QTRT2: variants seen among roughly 807,000 people sequenced by gnomAD.
QTRT2 encodes queuine tRNA-ribosyltransferase accessory subunit 2, also known as queuine tRNA-ribosyltransferase domain containing 1.
In QTRT2, 32 loss-of-function variants were observed where a neutral mutation model predicts 44.8. That is an observed-to-expected ratio of 0.71 (90% CI 0.54 to 0.96). QTRT2 has a LOEUF of 0.96. QTRT2 is among the 40% of genes least tolerant of loss of function. The pLI is 0.00. For missense variants in QTRT2, 461 were observed against 503.1 expected, an observed-to-expected ratio of 0.92 and a Z score of 0.80; for synonymous variants, 182 against 187.4, an observed-to-expected ratio of 0.97 and a Z score of 0.24.
chr3:114,070,869 C>T lies in QTRT2; in HGVS notation c.546+31C>T, dbSNP rs759280263. 37 of 1,561,116 alleles carry T rather than the reference C, an allele frequency of 2.4e-5. No individual in the cohort carries two copies. The South Asian group carries it at 4.1e-4, about 17-fold the overall frequency. ...GCTGTGCCACTAACCACTCCTTTCT[C>T]TTGACACTCTTGCCTCCCTTACATT... On this transcript the variant is annotated intron_variant, in intron 6 of 9. Coordinates refer to ENST00000281273, the MANE Select transcript of QTRT2 (RefSeq NM_024638.4).
intron 2 of QTRT2, among the ~76,000 whole-genome samples, chr3:114,062,954 T>C (rs758487289): frequency 3.9e-5 from 6 of 152,250 alleles, no homozygotes; most frequent in Admixed American, 2.6e-4. Flanking sequence ...TGGAGTAAGA[T>C]AGAATTTTTG....
chr3:114,081,600 GC>G (rs2077166518), intron 8 of QTRT2, among the ~76,000 whole-genome samples: 1 of 152,118 alleles, frequency 6.6e-6, no homozygotes, highest in Admixed American at 6.6e-5. Context: ...ACCATGCTGG[GC>G]TAATTTTTAA....
chr3:114,060,508 A>G (rs60245254), intron 2 of QTRT2, among the ~76,000 whole-genome samples: 3,900 of 79,576 alleles, frequency 0.049, 120 homozygotes, highest in African/African-American at 0.11. Flanking sequence ...AGATAGATAG[A>G]TAGATAGATA....
intron 5 of QTRT2, 33 bp from the exon 6 acceptor site, chr3:114,070,593 T>C (rs767458509): frequency 6.4e-7 from 1 of 1,556,842 alleles, no homozygotes. Context: ...CATTTTACTC[T>C]TGCTAATTCC....
intron 2 of QTRT2, among the ~76,000 whole-genome samples, chr3:114,062,463 C>T (rs1322830114): frequency 6.6e-6 from 1 of 151,566 alleles, no homozygotes; most frequent in African/African-American, 2.4e-5. Flanking sequence ...CAGGCCTAGT[C>T]TCAGACTGAT....
At chr3:114,082,639 GATC>G (rs759628040) in intron 8 of QTRT2, 35 bp from the exon 9 acceptor site, 1 of 801,198 alleles carries the variant, frequency 1.2e-6, no homozygotes, top group Non-Finnish European at 2.0e-6. Flanking sequence ...CTTCTTATCT[GATC>G]ATCATTCAAG....
rs2077233225 is a variant in QTRT2, at chr3:114,086,037, C to A, written c.*133C>A. 1.3e-6 allele frequency: 1 copy of A among 741,170 alleles called. No homozygotes were observed. Among genetic ancestry groups the A allele is most frequent in the Non-Finnish European group, 2.2e-6 (1 of 453,010 alleles). 45.9% of individuals were successfully genotyped at this position (741,170 alleles called of 1,614,324 possible). On this transcript the variant is annotated 3_prime_UTR_variant, in exon 10 of 10. Coordinates refer to ENST00000281273, the MANE Select transcript of QTRT2 (RefSeq NM_024638.4). ...TATAAGGTCTGCTTAAATAAAGAATCTTTGTACCAAACTGCCCACATGAGG... is the reference window on the plus strand; with the variant it reads ...TATAAGGTCTGCTTAAATAAAGAATATTTGTACCAAACTGCCCACATGAGG...
intron 8 of QTRT2, among the ~76,000 whole-genome samples, chr3:114,082,256 AAC>A (rs1553760496): frequency 1.7e-5 from 2 of 114,786 alleles, no homozygotes; most frequent in South Asian, 2.9e-4. Flanking sequence ...ACACACACGC[AAC>A]CAACAGTTAA....
intron 8 of QTRT2, among the ~76,000 whole-genome samples, chr3:114,081,270 G>A (rs575565587): frequency 6.6e-6 from 1 of 152,186 alleles, no homozygotes; most frequent in Non-Finnish European, 1.5e-5. Context: ...TCCTTTGCCA[G>A]TTACATAGTG....
Position 114,086,072 on chromosome 3 carries a change from T to C in QTRT2, c.*168T>C. On this transcript the variant is annotated 3_prime_UTR_variant, in exon 10 of 10. Coordinates refer to ENST00000281273, the MANE Select transcript of QTRT2 (RefSeq NM_024638.4). ...AACTGCCCACATGAGGGTGAAGAGATTTCCTCAAAAGACTTAAATGACCTG... is the reference window on the plus strand; with the variant it reads ...AACTGCCCACATGAGGGTGAAGAGACTTCCTCAAAAGACTTAAATGACCTG... 3.3e-6 allele frequency: 2 copies of C among 608,638 alleles called. No individual in the cohort carries two copies. Among genetic ancestry groups the C allele is most frequent in the Non-Finnish European group, 5.7e-6 (2 of 348,860 alleles). The allele number at this position is 608,638 out of a possible 1,614,324, so 37.7% of individuals were successfully genotyped here.
chr3:114,077,701 A>G (rs1223636847), intron 7 of QTRT2: 1 of 149,764 alleles, frequency 6.7e-6, no homozygotes, highest in East Asian at 2.0e-4. Context: ...TAATATGTGT[A>G]ATTTTACTAC....
intron 6 of QTRT2, among the ~76,000 whole-genome samples, chr3:114,072,999 C>T (rs988366843): frequency 6.6e-6 from 1 of 152,008 alleles, no homozygotes; most frequent in African/African-American, 2.4e-5. Context: ...CTATGGCAAG[C>T]GCATTGAGTT....
rs138382887 is a variant in QTRT2 at position 114,078,465 on chromosome 3, G to C, written c.747-1441G>C. The C allele has an allele frequency of 5.1e-3, 690 of 135,712 alleles. 8 individuals are homozygous for C. The highest frequency in any genetic ancestry group is 0.017 in the African/African-American group (622 of 35,648). The allele number at this position is 135,712 out of a possible 1,614,324, so 8.4% of individuals were successfully genotyped here. On this transcript the variant is annotated intron_variant, in intron 7 of 9. Transcript: ENST00000281273. ...GCCTTTTTTTTTTTTTTGCATTTCT[G>C]TGCCAGTTCATAGAAAGGGGCTATA...
chr3:114,068,181 T>C lies in QTRT2; in HGVS notation c.333+118T>C, dbSNP rs532843637. The stretch of plus-strand genomic sequence containing the variant: ...GATGATCCCTTATACCTTTTCCTTA[T>C]TTCGATAATTATAGTGGGATGGGAT... On this transcript the variant is annotated intron_variant, in intron 5 of 9. Coordinates refer to ENST00000281273, the MANE Select transcript of QTRT2 (RefSeq NM_024638.4). 1.4e-5 allele frequency: 11 copies of C among 807,768 alleles called. 1 individual carries two copies. In the Admixed American group the frequency reaches 1.7e-4, roughly 13 times the overall value. The allele number at this position is 807,768 out of a possible 1,614,324, so 50.0% of individuals were successfully genotyped here. A position where few individuals can be genotyped will look rare whatever the true frequency, so the allele number is the denominator to read the frequency against.
intron 9 of QTRT2, among the ~76,000 whole-genome samples, chr3:114,083,571 A>AT (rs2077196036): frequency 6.6e-6 from 1 of 152,056 alleles, no homozygotes; most frequent in Non-Finnish European, 1.5e-5. Context: ...CCAGTGAGTG[A>AT]TTTTTCTTTG....
At chr3:114,083,736 T>C (rs1207084255) in intron 9 of QTRT2, among the ~76,000 whole-genome samples, 1 of 152,208 alleles carries the variant, frequency 6.6e-6, no homozygotes, top group Non-Finnish European at 1.5e-5. Flanking sequence ...CCATATTCTG[T>C]TGGGACTCCT....
At chr3:114,067,938 T>C (rs770806703) in intron 4 of QTRT2, 49 bp from the exon 5 acceptor site, 1 of 1,526,008 alleles carries the variant, frequency 6.6e-7, no homozygotes, top group South Asian at 1.1e-5. Flanking sequence ...TAATACAGTG[T>C]CATTGTTGAT....
intron 2 of QTRT2, among the ~76,000 whole-genome samples, chr3:114,060,496 G>GTAGA (rs71146305): frequency 0.012 from 1,772 of 144,514 alleles, 12 homozygotes; most frequent in East Asian, 0.024. Flanking sequence ...AGGTAGGTAG[G>GTAGA]TAGATAGATA....
chr3:114,076,208 C>T (rs1292554610), intron 6 of QTRT2, among the ~76,000 whole-genome samples: 1 of 152,112 alleles, frequency 6.6e-6, no homozygotes, highest in Non-Finnish European at 1.5e-5. Flanking sequence ...ACTCTCTTAC[C>T]CTGGATGGAA....
Sources: allele counts gnomAD v4.1 joint callset (sites outside exome capture counted in the v4.1 genomes callset), GRCh38; gene constraint gnomAD v4.1.1; transcripts MANE v1.5; gene names NCBI Gene and HGNC (gene_info 2026-07-23, HGNC 2026-07-21).